Variants in SLC9A4 observed in about 807,000 individuals in gnomAD.
SLC9A4 encodes the protein solute carrier family 9 member A4.
In SLC9A4, 63 loss-of-function variants were observed where a neutral mutation model predicts 67.4. The ratio of observed to expected loss-of-function variants is 0.93; its 90% CI spans 0.76 to 1.15. The LOEUF is 1.15. Ranked by LOEUF, SLC9A4 falls within the 50% of genes most tolerant of loss-of-function variation. The pLI is 0.00. For missense variants in SLC9A4, 1,089 were observed against 987.7 expected, an observed-to-expected ratio of 1.10 and a Z score of -1.38; for synonymous variants, 393 against 367.2, an observed-to-expected ratio of 1.07 and a Z score of -0.80.
chr2:102,474,438 C>A (rs1472547923), intron 1 of SLC9A4, among the ~76,000 whole-genome samples: 3 of 152,190 alleles, frequency 2.0e-5, no homozygotes, highest in Non-Finnish European at 4.4e-5. Flanking sequence ...TCATCAATCA[C>A]CCCATTGTTT....
Position 102,526,308 on chromosome 2 carries a change from A to C in SLC9A4, c.2000A>C (p.Gln667Pro). Residue 667 changes from glutamine (Q) to proline (P), a missense_variant, in exon 11 of 12, where the codon CAG (glutamine) becomes CCG (proline). Physicochemically the swap from Gln to Pro is moderately conservative, Grantham distance 76. Transcript: ENST00000295269. ...CTCTCCTACCCCTACGGGAATCCTCAGTCTGCAGGAAGAGACACAAGGGCT... is the reference window on the plus strand; with the variant it reads ...CTCTCCTACCCCTACGGGAATCCTCCGTCTGCAGGAAGAGACACAAGGGCT... ...RYLSYPYGNP[Q>P]SAGRDTRAAG... 6.2e-7 allele frequency: 1 copy of C among 1,613,874 alleles called. No homozygotes were observed. The highest frequency in any genetic ancestry group is 8.5e-7 in the Non-Finnish European group (1 of 1,179,826).
At chr2:102,514,285 A>C (rs199653058) in intron 8 of SLC9A4, 34 bp downstream of exon 8, 55 of 1,531,838 alleles carry the variant, frequency 3.6e-5, no homozygotes, top group Non-Finnish European at 4.8e-5. Context: ...CTAAACTTTC[A>C]CTGTCAGAAT....
At chr2:102,479,456 T>G (rs1250663848) in intron 2 of SLC9A4, among the ~76,000 whole-genome samples, 154 bp downstream of exon 2, 3 of 152,170 alleles carry the variant, frequency 2.0e-5, no homozygotes, top group Non-Finnish European at 4.4e-5. Flanking sequence ...TTCTGGTGAA[T>G]TTCCTTGGGA....
At position 102,473,888 on chromosome 2, in the gene SLC9A4, C is replaced by T. The variant is rs760069585; in HGVS notation, c.129C>T (p.Asn43=). ...ATTCCACTGCTCAGTATGCATCTAA[C>T]GCTTGGTTTGCTGCTGCCAGCTCAG... ...SANSTAQYAS[N]AWFAAASSEP... is the part of the protein sequence containing the mutation. The change falls in exon 1 of 12, where the codon AAC becomes AAT. Residue 43 remains asparagine (N), a synonymous_variant. Transcript: ENST00000295269. 3.9e-5 allele frequency: 63 copies of T among 1,613,966 alleles called. No individual in the cohort carries two copies. The highest frequency in any genetic ancestry group is 1.1e-4 in the East Asian group (5 of 44,886).
chr2:102,501,005 G>C (rs1481319193), intron 2 of SLC9A4, among the ~76,000 whole-genome samples: 1 of 145,060 alleles, frequency 6.9e-6, no homozygotes. Context: ...TGTCACCCAG[G>C]TTGGAGTGCA....
intron 2 of SLC9A4, among the ~76,000 whole-genome samples, chr2:102,496,033 G>A (rs993592173): frequency 6.6e-6 from 1 of 151,668 alleles, no homozygotes; most frequent in Non-Finnish European, 1.5e-5. Context: ...GCAATGAATT[G>A]GATTTTATCA....
rs537669339 is a variant in SLC9A4 at position 102,532,663 on chromosome 2, A to G, written c.2372A>G (p.His791Arg). Reference protein sequence around the residue: ...HGHGRDHHRSHSPLLQKK With the variant: ...HGHGRDHHRSRSPLLQKK Reference sequence around the variant, plus strand: ...CACGGCAGGGACCATCACAGGTCCCATAGTCCTTTGCTCCAAAAAAAATAG... The same window carrying G: ...CACGGCAGGGACCATCACAGGTCCCGTAGTCCTTTGCTCCAAAAAAAATAG... Residue 791 changes from histidine (H) to arginine (R), a missense_variant, in exon 12 of 12, where the codon CAT becomes CGT. Transcript: ENST00000295269. The G allele has an allele frequency of 1.2e-6, 2 of 1,613,604 alleles. No individual in the cohort carries two copies. The highest frequency in any genetic ancestry group is 1.1e-5 in the South Asian group (1 of 91,038).
At chr2:102,516,950 A>G (rs2104443042) in intron 8 of SLC9A4, among the ~76,000 whole-genome samples, 1 of 152,332 alleles carries the variant, frequency 6.6e-6, no homozygotes, top group East Asian at 1.9e-4. Flanking sequence ...CTCCCAGATA[A>G]TTTTAATGTG....
intron 2 of SLC9A4, among the ~76,000 whole-genome samples, chr2:102,502,159 T>C (rs1684955397): frequency 6.6e-6 from 1 of 152,158 alleles, no homozygotes; most frequent in Admixed American, 6.5e-5. Flanking sequence ...AGGTCTTCAT[T>C]TTCTGCAGAG....
chr2:102,479,221 C>G lies in SLC9A4; in HGVS notation c.639C>G (p.Ala213=). ...ISAVDPVAVL[A]VFEEARVNEQ... is the part of the protein sequence containing the mutation. ...CCGTGGACCCAGTGGCCGTGCTAGC[C>G]GTGTTTGAGGAAGCGCGCGTGAACG... Residue 213 remains alanine (A), a synonymous_variant, in exon 2 of 12, where the codon GCC becomes GCG. Transcript: ENST00000295269. 1 of 1,614,162 alleles carries G rather than the reference C, an allele frequency of 6.2e-7. No individual in the cohort carries two copies. Among genetic ancestry groups the G allele is most frequent in the Non-Finnish European group, 8.5e-7 (1 of 1,180,036 alleles).
intron 2 of SLC9A4, among the ~76,000 whole-genome samples, chr2:102,490,773 G>A (rs1256182657): frequency 6.6e-6 from 1 of 152,180 alleles, no homozygotes; most frequent in East Asian, 1.9e-4. Flanking sequence ...CCATCAGGAT[G>A]AACTTGATTA....
At chr2:102,514,919 C>A (rs1417306154) in intron 8 of SLC9A4, among the ~76,000 whole-genome samples, 1 of 152,120 alleles carries the variant, frequency 6.6e-6, no homozygotes, top group Non-Finnish European at 1.5e-5. Flanking sequence ...CCCATCATTA[C>A]AAGACGATTT....
At chr2:102,526,485 T>C in intron 11 of SLC9A4, 139 bp downstream of exon 11, 2 of 687,626 alleles carry the variant, frequency 2.9e-6, no homozygotes, top group Non-Finnish European at 4.6e-6. Flanking sequence ...ACAACTTCTT[T>C]TATAGTTGAA....
chr2:102,527,444 TACCAA>T (rs1674688749), intron 11 of SLC9A4, among the ~76,000 whole-genome samples: 2 of 152,180 alleles, frequency 1.3e-5, no homozygotes, highest in Non-Finnish European at 1.5e-5. Context: ...TATATGCATG[TACCAA>T]AGCTTATTAA....
intron 11 of SLC9A4, among the ~76,000 whole-genome samples, chr2:102,527,174 G>T (rs1199231253): frequency 1.3e-5 from 2 of 152,002 alleles, no homozygotes; most frequent in African/African-American, 4.8e-5. Flanking sequence ...CTAATGCCAA[G>T]GTATGATCAC....
chr2:102,478,967 A>T lies in SLC9A4; in HGVS notation c.385A>T (p.Ile129Phe). The T allele has an allele frequency of 6.2e-7, 1 of 1,614,126 alleles. No individual in the cohort carries two copies. ...HKSPPVMDSSIYFLYLLPPIV... is the reference protein window; with the variant it reads ...HKSPPVMDSSFYFLYLLPPIV... ...ATCGCCTCCGGTCATGGACTCCAGC[A>T]TCTACTTCCTGTATCTCCTGCCACC... The change falls in exon 2 of 12, where the codon ATC (isoleucine) becomes TTC (phenylalanine). Residue 129 changes from isoleucine (I) to phenylalanine (F), a missense_variant. Coordinates refer to ENST00000295269, the MANE Select transcript of SLC9A4 (RefSeq NM_001011552.4).
At chr2:102,511,411 CTT>C (rs1243046011) in intron 6 of SLC9A4, among the ~76,000 whole-genome samples, 1 of 152,128 alleles carries the variant, frequency 6.6e-6, no homozygotes. Context: ...ATATTTCACT[CTT>C]CTCTCATTTA....
At chr2:102,514,428 TA>T (rs1323248715) in intron 8 of SLC9A4, among the ~76,000 whole-genome samples, 177 bp downstream of exon 8, 1 of 152,260 alleles carries the variant, frequency 6.6e-6, no homozygotes, top group South Asian at 2.1e-4. Flanking sequence ...CAAGCTCACA[TA>T]TTTTACCTAG....
chr2:102,496,904 A>C (rs1684821660), intron 2 of SLC9A4, among the ~76,000 whole-genome samples: 1 of 152,172 alleles, frequency 6.6e-6, no homozygotes, highest in African/African-American at 2.4e-5. Flanking sequence ...TGGGTGTGTA[A>C]AATGATATGA....
Sources: allele counts gnomAD v4.1 joint callset (sites outside exome capture counted in the v4.1 genomes callset), GRCh38; gene constraint gnomAD v4.1.1; transcripts MANE v1.5; gene names NCBI Gene and HGNC (gene_info 2026-07-23, HGNC 2026-07-21).